The following PHF21A variants were observed in gnomAD, a reference collection of about 807,000 sequenced individuals.
PHF21A encodes BHC80a.
In PHF21A, 11 loss-of-function variants were observed where a neutral mutation model predicts 82.5. The ratio of observed to expected loss-of-function variants is 0.13; its 90% CI spans 0.08 to 0.22. The LOEUF (loss-of-function observed/expected upper bound fraction) is 0.22, where lower values mean the gene tolerates loss of function less well. Ranked by LOEUF, PHF21A falls within the 10% of genes least tolerant of loss-of-function variation. PHF21A has a pLI of 1.00. For missense variants in PHF21A, 579 were observed against 837.8 expected (o/e 0.69, Z 3.81); for synonymous variants, 297 against 302.8 (o/e 0.98, Z 0.20).
intron 7 of PHF21A, among the ~76,000 whole-genome samples, chr11:45,973,489 G>A (rs1039699485): frequency 4.6e-5 from 7 of 151,988 alleles, no homozygotes; most frequent in African/African-American, 1.2e-4. Context: ...TTTCCTCTTC[G>A]CTAAGTGGCT....
chr11:45,972,839 G>A (rs544417743), intron 7 of PHF21A, among the ~76,000 whole-genome samples: 4 of 152,278 alleles, frequency 2.6e-5, no homozygotes, highest in African/African-American at 7.2e-5. Flanking sequence ...GCTTGAACCC[G>A]GGAGGCGGAG....
intron 6 of PHF21A, among the ~76,000 whole-genome samples, chr11:46,024,627 C>T (rs938209164): frequency 6.6e-6 from 1 of 151,996 alleles, no homozygotes; most frequent in Non-Finnish European, 1.5e-5. Context: ...TGGTGAAACC[C>T]CATCTCTACT....
At chr11:46,019,405 A>T (rs2095585803) in intron 6 of PHF21A, among the ~76,000 whole-genome samples, 1 of 152,180 alleles carries the variant, frequency 6.6e-6, no homozygotes, top group African/African-American at 2.4e-5. Context: ...CACGCCAAAA[A>T]ATAAGATGGG....
At chr11:45,953,489 C>T (rs1283212825) in intron 11 of PHF21A, 38 bp downstream of exon 11, 1 of 1,284,710 alleles carries the variant, frequency 7.8e-7, no homozygotes, top group East Asian at 2.3e-5. Flanking sequence ...AAACCATACA[C>T]CATAGACTGA....
intron 6 of PHF21A, among the ~76,000 whole-genome samples, chr11:46,024,409 C>T (rs1266408399): frequency 1.3e-5 from 2 of 152,174 alleles, no homozygotes; most frequent in East Asian, 1.9e-4. Flanking sequence ...TAAAACAATG[C>T]TTTTAATTGC....
chr11:46,027,857 T>TAGTA (rs2095783340), intron 6 of PHF21A, among the ~76,000 whole-genome samples: 1 of 152,254 alleles, frequency 6.6e-6, no homozygotes, highest in Admixed American at 6.5e-5. Context: ...ACTTTATTTG[T>TAGTA]AGTAAGTACA....
chr11:46,087,673 T>C (rs2096872531), intron 3 of PHF21A, among the ~76,000 whole-genome samples: 1 of 152,170 alleles, frequency 6.6e-6, no homozygotes, highest in Non-Finnish European at 1.5e-5. Flanking sequence ...ATGTTGAATC[T>C]TGTTTGTTTA....
At chr11:45,934,862 G>A (rs756924104) in intron 18 of PHF21A, 4 of 355,930 alleles carry the variant, frequency 1.1e-5, no homozygotes, top group Non-Finnish European at 2.2e-5. Flanking sequence ...GGCAGGGAAA[G>A]AGAGGAAAGA....
intron 6 of PHF21A, among the ~76,000 whole-genome samples, chr11:46,017,199 G>A (rs1461220924): frequency 3.3e-5 from 5 of 152,164 alleles, no homozygotes; most frequent in South Asian, 4.2e-4. Flanking sequence ...TCAAACTCCC[G>A]ACCTCAGGTG....
In PHF21A at chr11:45,931,999, G is replaced by A. The variant is rs1486739970; in HGVS notation, c.*1969C>T. On this transcript the variant is annotated 3_prime_UTR_variant, in exon 19 of 19. Transcript: ENST00000676320. ...GAGTGGAGTAAATTTCTGGTGCCTG[G>A]AGCCAACAGGCAGAGAAAGGAGTGG... The A allele has an allele frequency of 2.0e-5, 3 of 152,266 alleles. No individual in the cohort carries two copies. The highest frequency in any genetic ancestry group is 6.5e-5 in the Admixed American group (1 of 15,274). The allele number at this position is 152,266 out of a possible 1,614,324, so 9.4% of individuals were successfully genotyped here. A position where few individuals can be genotyped will look rare whatever the true frequency, so the allele number is the denominator to read the frequency against.
At chr11:46,021,074 A>AAAG (rs1555104645) in intron 6 of PHF21A, among the ~76,000 whole-genome samples, 81 of 151,496 alleles carry the variant, frequency 5.3e-4, no homozygotes, top group African/African-American at 1.2e-3. Context: ...AAAAAAAAAA[A>AAAG]AGAGAGACAA....
intron 15 of PHF21A, among the ~76,000 whole-genome samples, chr11:45,938,947 C>T (rs964786325): frequency 6.6e-6 from 1 of 152,066 alleles, no homozygotes; most frequent in African/African-American, 2.4e-5. Flanking sequence ...CATTCTCCTG[C>T]CTCAGCCTCC....
rs147424018 is a variant in PHF21A at position 45,934,199 on chromosome 11, G to C, written c.1815C>G (p.Ile605Met). 2.5e-6 allele frequency: 4 copies of C among 1,613,642 alleles called. No individual in the cohort carries two copies. Among genetic ancestry groups the C allele is most frequent in the Admixed American group, 1.7e-5 (1 of 60,022 alleles). Reference protein sequence around the residue: ...ISKCMEMKNTILARQKEMHSS... With the variant: ...ISKCMEMKNTMLARQKEMHSS... ...TGTGCATCTCCTTCTGCCGGGCCAG[G>C]ATGGTGTTCTTCATTTCCATGCATT... Residue 605 changes from isoleucine to methionine, a missense_variant, in exon 19 of 19, where the codon ATC becomes ATG. This residue lies in a region of PHF21A where 157 missense variants were observed against 149.4 expected (regional missense o/e 1.05). Transcript: ENST00000676320.
intron 6 of PHF21A, among the ~76,000 whole-genome samples, chr11:46,056,150 CG>C (rs1453823862): frequency 6.6e-6 from 1 of 151,932 alleles, no homozygotes; most frequent in Admixed American, 6.6e-5. Flanking sequence ...TTAATGCCTC[CG>C]GTTTTGAATT....
Position 46,019,082 on chromosome 11 carries a change from AT to A in PHF21A, c.154-39117del, listed in dbSNP as rs201568164. On this transcript the variant is annotated intron_variant, in intron 6 of 18. Coordinates refer to ENST00000676320, the MANE Select transcript of PHF21A (RefSeq NM_001352027.3). ...TTTCTCATTCTGGAAGCCTAATCTA[AT>A]TTTTTTTTTTTTTTAATTTGGAGCC... Among the ~76,000 whole-genome samples the A allele has an allele frequency of 3.6e-3, 520 of 144,844 alleles. 1 individual carries two copies. The highest frequency in any genetic ancestry group is 0.011 in the Middle Eastern group (3 of 280).
intron 15 of PHF21A, among the ~76,000 whole-genome samples, chr11:45,942,901 CTCTT>C (rs1307342729): frequency 2.6e-5 from 4 of 152,272 alleles, no homozygotes; most frequent in Non-Finnish European, 4.4e-5. Flanking sequence ...TGAAATGAAA[CTCTT>C]TATTTCCCTC....
rs1161047533 is a variant in PHF21A, at chr11:45,947,775, C to CACAAA, written c.1288+1106_1288+1110dup. Among the ~76,000 whole-genome samples the CACAAA allele has an allele frequency of 3.1e-4, 47 of 152,044 alleles. 1 individual carries two copies. Among genetic ancestry groups the CACAAA allele is most frequent in the East Asian group, 7.7e-4 (4 of 5,176 alleles). On this transcript the variant is annotated intron_variant, in intron 14 of 18. Coordinates refer to ENST00000676320, the MANE Select transcript of PHF21A (RefSeq NM_001352027.3). ...AGGGGTCACTAAAAAAATCACCAAG[C>CACAAA]ACAAAACAAAACAAAACAAAACAAA...
intron 6 of PHF21A, among the ~76,000 whole-genome samples, chr11:45,983,771 G>C (rs1299548378): frequency 6.6e-6 from 1 of 152,134 alleles, no homozygotes; most frequent in Non-Finnish European, 1.5e-5. Flanking sequence ...TGACTTCAGA[G>C]GGACCCCGGA....
At chr11:46,035,702 A>T (rs1207278814) in intron 6 of PHF21A, among the ~76,000 whole-genome samples, 1 of 152,218 alleles carries the variant, frequency 6.6e-6, no homozygotes, top group African/African-American at 2.4e-5. Flanking sequence ...AAGGATGTGT[A>T]TGAGCTCACC....
Sources: gnomAD v4.1 joint callset for allele counts (sites outside exome capture counted in the v4.1 genomes callset) on GRCh38, gnomAD v4.1.1 for gene constraint, gnomAD v4.1.1 regional missense constraint, MANE v1.5 for transcripts, NCBI Gene and HGNC (gene_info 2026-07-23, HGNC 2026-07-21) for gene names.